PLAC1: variants seen among roughly 807,000 people sequenced by gnomAD.
PLAC1 encodes placenta-specific protein 1.
For synonymous variants in PLAC1, 68 were observed against 62.1 expected (o/e 1.09, Z -0.44); for missense variants, 136 against 163.2 (o/e 0.83, Z 0.91).
intron 1 of PLAC1, among the ~76,000 whole-genome samples, chrX:134,734,801 GCATGTGGGGGATACTGTACTTA>G (rs955673149): frequency 1.8e-5 from 2 of 110,941 alleles, no homozygotes; most frequent in Non-Finnish European, 3.8e-5. Flanking sequence ...GATTCATCTG[GCATGTGGGGGATACTGTACTTA>G]CTGCCACAGC....
At chrX:134,569,704 TC>T (rs1189180223) in intron 2 of PLAC1, among the ~76,000 whole-genome samples, 1 of 108,160 alleles carries the variant, frequency 9.2e-6, no homozygotes, top group African/African-American at 3.4e-5. Flanking sequence ...GCCTCCCTTC[TC>T]CTGCTACCTG....
intron 2 of PLAC1, among the ~76,000 whole-genome samples, chrX:134,590,417 T>G (rs1037141626): frequency 9.1e-6 from 1 of 110,335 alleles, no homozygotes; most frequent in African/African-American, 3.3e-5. Context: ...ATTAATGGAG[T>G]TTACAGTCCC....
chrX:134,715,657 C>A (rs912186936), intron 2 of PLAC1, among the ~76,000 whole-genome samples: 2 of 112,077 alleles, frequency 1.8e-5, no homozygotes, highest in African/African-American at 6.5e-5. Context: ...TCTCCTGGGG[C>A]CCTCTGCTCT....
At chrX:134,613,726 G>A (rs766680694) in intron 1 of PLAC1, among the ~76,000 whole-genome samples, 119 of 110,699 alleles carry the variant, frequency 1.1e-3, no homozygotes, top group Non-Finnish European at 1.9e-3. Flanking sequence ...ACCAGTGAGC[G>A]CTTTCATCCT....
At chrX:134,614,133 C>T (rs1004585376) in intron 1 of PLAC1, among the ~76,000 whole-genome samples, 7 of 110,491 alleles carry the variant, frequency 6.3e-5, no homozygotes, top group Admixed American at 2.0e-4. Context: ...ATCCTGCAAC[C>T]GACCTACATC....
intron 1 of PLAC1, among the ~76,000 whole-genome samples, chrX:134,615,527 G>A (rs1049439919): frequency 2.7e-5 from 3 of 111,801 alleles, no homozygotes; most frequent in African/African-American, 6.5e-5. Flanking sequence ...CCCCCAATCT[G>A]TAGGCTGCCT....
chrX:134,587,562 C>T (rs767296795), intron 2 of PLAC1, among the ~76,000 whole-genome samples: 1 of 109,555 alleles, frequency 9.1e-6, no homozygotes, highest in East Asian at 2.9e-4. Flanking sequence ...GCCTGGGTGA[C>T]AGAGTGAGAC....
At position 134,704,638 on chromosome X, in the gene PLAC1, ATATAT is replaced by A. The variant is rs1053222721; in HGVS notation, n.174+28792_174+28796del. Among the ~76,000 whole-genome samples, 4 of 106,042 alleles carry A rather than the reference ATATAT, an allele frequency of 3.8e-5. No individual in the cohort carries two copies. The Admixed American group carries it at 4.2e-4, about 11-fold the overall frequency. 92.1% of individuals were successfully genotyped at this position (106,042 alleles called of 115,157 possible). A position where few individuals can be genotyped will look rare whatever the true frequency, so the allele number is the denominator to read the frequency against. On this transcript the variant is annotated intron_variant and non_coding_transcript_variant, in intron 2 of 2. Coordinates refer to the PLAC1 transcript ENST00000466797. ...AAGTATTCTACTTTAATATATATTT[ATATAT>A]TATATAATATTTATATATTATATGA...
intron 2 of PLAC1, among the ~76,000 whole-genome samples, chrX:134,686,518 C>T (rs1241774128): frequency 8.9e-6 from 1 of 112,014 alleles, no homozygotes; most frequent in Non-Finnish European, 1.9e-5. Flanking sequence ...GTGACGTGCT[C>T]AGTCTGAGTC....
chrX:134,668,575 T>C (rs1038684283), intron 2 of PLAC1, among the ~76,000 whole-genome samples: 1 of 112,915 alleles, frequency 8.9e-6, no homozygotes, highest in Non-Finnish European at 1.9e-5. Flanking sequence ...TAGTTTTATT[T>C]TTTTAAGGGA....
intron 2 of PLAC1, among the ~76,000 whole-genome samples, chrX:134,717,904 A>G (rs994408352): frequency 9.0e-6 from 1 of 111,634 alleles, no homozygotes; most frequent in African/African-American, 3.3e-5. Context: ...TGTGAGCAAT[A>G]TTGCACTCAT....
chrX:134,617,123 G>A (rs1602842785), intron 1 of PLAC1, among the ~76,000 whole-genome samples: 1 of 110,381 alleles, frequency 9.1e-6, no homozygotes, highest in Non-Finnish European at 1.9e-5. Context: ...CAAGCAGCTG[G>A]GACTACAGGT....
At chrX:134,758,385 C>T (rs1311503732) in intron 1 of PLAC1, among the ~76,000 whole-genome samples, 1 of 111,770 alleles carries the variant, frequency 8.9e-6, no homozygotes, top group Admixed American at 9.5e-5. Flanking sequence ...ATCACATTAC[C>T]TGACTTCAAA....
At chrX:134,581,641 G>A (rs1218085344) in intron 2 of PLAC1, among the ~76,000 whole-genome samples, 1 of 109,114 alleles carries the variant, frequency 9.2e-6, no homozygotes, top group African/African-American at 3.3e-5. Context: ...ACCATGCCTG[G>A]CTAATTTTTG....
At chrX:134,679,265 C>T (rs1188729548) in intron 2 of PLAC1, among the ~76,000 whole-genome samples, 1 of 111,065 alleles carries the variant, frequency 9.0e-6, no homozygotes, top group Non-Finnish European at 1.9e-5. Context: ...TCGGTATTGT[C>T]TGAGATGCCT....
chrX:134,741,563 C>T (rs1158711749), intron 1 of PLAC1, among the ~76,000 whole-genome samples: 1 of 110,489 alleles, frequency 9.1e-6, no homozygotes, highest in Non-Finnish European at 1.9e-5. Context: ...AACTGTGACC[C>T]CTTTGTGGTA....
At chrX:134,756,567 C>T (rs1039231277) in intron 1 of PLAC1, among the ~76,000 whole-genome samples, 5 of 110,048 alleles carry the variant, frequency 4.5e-5, no homozygotes, top group Non-Finnish European at 9.5e-5. Context: ...ATTACATTTT[C>T]GGCCGGGCGC....
At position 134,758,818 on chromosome X, in the gene PLAC1, C is replaced by G. The variant is rs146391050; in HGVS notation, n.89+5416G>C. On this transcript the variant is annotated intron_variant and non_coding_transcript_variant, in intron 1 of 2. Transcript: ENST00000466797. ...AAAATCTTCTGCACAGTAAAGGAAA[C>G]AATCAATAGAGTTAAGAAACAACCT... Among the ~76,000 whole-genome samples, 989 of 111,796 alleles carry G rather than the reference C, an allele frequency of 8.8e-3. 11 individuals are homozygous for G. Among genetic ancestry groups the G allele is most frequent in the African/African-American group, 0.03 (913 of 30,790 alleles).
At chrX:134,711,982 A>C (rs1051763169) in intron 2 of PLAC1, among the ~76,000 whole-genome samples, 2 of 111,858 alleles carry the variant, frequency 1.8e-5, no homozygotes, top group African/African-American at 3.3e-5. Context: ...TCCAGCATAC[A>C]TTTGAAAAAG....
Sources: gnomAD v4.1 joint callset for allele counts (sites outside exome capture counted in the v4.1 genomes callset) on GRCh38, gnomAD v4.1.1 for gene constraint, MANE v1.5 for transcripts, NCBI Gene and HGNC (gene_info 2026-07-23, HGNC 2026-07-21) for gene names.